The following GALNT13 variants were observed in gnomAD, a reference collection of about 807,000 sequenced individuals.
GALNT13 encodes UDP-GalNAc:polypeptide N-acetylgalactosaminyltransferase 13.
In GALNT13, 28 loss-of-function variants were observed where a neutral mutation model predicts 64.2. That is an observed-to-expected ratio of 0.44 (90% CI 0.32 to 0.60). GALNT13 has a LOEUF of 0.60. GALNT13 is among the 20% of genes least tolerant of loss of function. GALNT13 has a pLI of 0.05. For synonymous variants in GALNT13, 214 were observed against 224.6 expected, an observed-to-expected ratio of 0.95 and a Z score of 0.42; for missense variants, 577 against 669.8, an observed-to-expected ratio of 0.86 and a Z score of 1.53.
chr2:154,219,491 T>C (rs186614935), intron 4 of GALNT13, among the ~76,000 whole-genome samples: 2 of 152,136 alleles, frequency 1.3e-5, no homozygotes, highest in Non-Finnish European at 2.9e-5. Context: ...CTACCCATAT[T>C]ATTTTCAAGC....
chr2:153,439,566 G>C, the GALNT13 span, among the ~76,000 whole-genome samples: 1 of 152,166 alleles, frequency 6.6e-6, no homozygotes, highest in African/African-American at 2.4e-5. Context: ...TTTGATCTCA[G>C]ACTGCTGTGC....
the GALNT13 span, among the ~76,000 whole-genome samples, chr2:153,582,550 A>G: frequency 1.5e-4 from 23 of 152,176 alleles, no homozygotes; most frequent in Non-Finnish European, 1.8e-4. Context: ...TTTTAATTCA[A>G]TGAAAACCTT....
chr2:153,719,751 A>G, the GALNT13 span, among the ~76,000 whole-genome samples: 1 of 151,712 alleles, frequency 6.6e-6, no homozygotes. Flanking sequence ...CGCTTTTCAG[A>G]CCGGCTTAAA....
At chr2:153,234,368 A>C in the GALNT13 span, among the ~76,000 whole-genome samples, 21 of 152,264 alleles carry the variant, frequency 1.4e-4, no homozygotes, top group African/African-American at 5.1e-4. Flanking sequence ...AGTTGAATTT[A>C]GGATTTAGGT....
At chr2:153,199,403 A>G in the GALNT13 span, among the ~76,000 whole-genome samples, 2 of 152,138 alleles carry the variant, frequency 1.3e-5, no homozygotes, top group Non-Finnish European at 2.9e-5. Context: ...CCTCTGGTTG[A>G]CAGTTCTCAA....
the GALNT13 span, among the ~76,000 whole-genome samples, chr2:153,731,148 T>C: frequency 3.3e-5 from 5 of 151,736 alleles, no homozygotes; most frequent in South Asian, 4.1e-4. Context: ...GTCATTTATA[T>C]TTCACATATG....
chr2:153,824,052 C>T, the GALNT13 span, among the ~76,000 whole-genome samples: 18 of 151,964 alleles, frequency 1.2e-4, no homozygotes, highest in African/African-American at 4.4e-4. Flanking sequence ...AAATGTAAGT[C>T]AAAACCACAA....
At chr2:153,478,608 G>C in the GALNT13 span, 1 of 1,463,494 alleles carries the variant, frequency 6.8e-7, no homozygotes, top group South Asian at 1.4e-5. Flanking sequence ...GGTCCGAGGG[G>C]TGGGAAGGCG....
intron 8 of GALNT13, among the ~76,000 whole-genome samples, chr2:154,294,966 T>C (rs1692833466): frequency 6.6e-6 from 1 of 152,182 alleles, no homozygotes; most frequent in African/African-American, 2.4e-5. Context: ...ACGGCAGTTT[T>C]TTCAGTTGCC....
In GALNT13 at chr2:154,395,564, C is replaced by T. The variant is rs143869117; in HGVS notation, c.1157-427C>T. 5.8e-3 allele frequency among the ~76,000 whole-genome samples: 881 copies of T among 152,042 alleles called. 7 individuals carry two copies. Among genetic ancestry groups the T allele is most frequent in the African/African-American group, 0.02 (811 of 41,504 alleles). ...TACGTGAATTATTCTATATAAATTT[C>T]GTATAAAATCTACAGGTGGTGAATA... is the stretch of plus-strand genomic sequence containing the variant. On this transcript the variant is annotated intron_variant, in intron 9 of 12. Transcript: ENST00000392825.
chr2:153,309,372 C>T, the GALNT13 span, among the ~76,000 whole-genome samples: 1 of 152,118 alleles, frequency 6.6e-6, no homozygotes, highest in Non-Finnish European at 1.5e-5. Flanking sequence ...CAAGTCCTGT[C>T]CCCTTCTCTA....
At chr2:154,011,792 T>A (rs1199209734) in intron 3 of GALNT13, among the ~76,000 whole-genome samples, 1 of 152,240 alleles carries the variant, frequency 6.6e-6, no homozygotes, top group Non-Finnish European at 1.5e-5. Flanking sequence ...GGTCTTCTTG[T>A]TGAATTGAAT....
At chr2:153,256,004 A>C in the GALNT13 span, among the ~76,000 whole-genome samples, 2 of 152,066 alleles carry the variant, frequency 1.3e-5, no homozygotes, top group African/African-American at 2.4e-5. Context: ...CTGAATCTGA[A>C]TGTTGGCCTG....
At chr2:153,792,045 T>C in the GALNT13 span, among the ~76,000 whole-genome samples, 2 of 152,114 alleles carry the variant, frequency 1.3e-5, no homozygotes, top group African/African-American at 4.8e-5. Context: ...AACGTACACA[T>C]GTACCCCTAA....
chr2:154,103,981 G>A (rs1702479125), intron 3 of GALNT13, among the ~76,000 whole-genome samples: 3 of 152,240 alleles, frequency 2.0e-5, no homozygotes, highest in South Asian at 4.1e-4. Flanking sequence ...CCAATGATGA[G>A]TGAAAGCACC....
chr2:153,259,017 G>C, the GALNT13 span, among the ~76,000 whole-genome samples: 4 of 152,084 alleles, frequency 2.6e-5, no homozygotes, highest in Non-Finnish European at 5.9e-5. Context: ...TCTCTTTCTG[G>C]ATGATCTGTC....
intron 3 of GALNT13, among the ~76,000 whole-genome samples, chr2:154,068,330 T>A (rs1182462711): frequency 6.6e-6 from 1 of 151,718 alleles, no homozygotes; most frequent in Non-Finnish European, 1.5e-5. Context: ...TAAAAATGGA[T>A]CTGCCATATG....
chr2:153,268,719 A>G, the GALNT13 span, among the ~76,000 whole-genome samples: 1 of 152,302 alleles, frequency 6.6e-6, no homozygotes, highest in East Asian at 1.9e-4. Context: ...GTGTTTCCAT[A>G]CATCCTCTGA....
At chr2:153,393,694 A>G in the GALNT13 span, among the ~76,000 whole-genome samples, 8 of 151,966 alleles carry the variant, frequency 5.3e-5, no homozygotes, top group Non-Finnish European at 1.2e-4. Flanking sequence ...CTAGATTTTG[A>G]GTAAGATAGG....
Sources: gnomAD v4.1 joint callset for allele counts (sites outside exome capture counted in the v4.1 genomes callset) on GRCh38, gnomAD v4.1.1 for gene constraint, MANE v1.5 for transcripts, NCBI Gene and HGNC (gene_info 2026-07-23, HGNC 2026-07-21) for gene names.